FES: variants seen among roughly 807,000 people sequenced by gnomAD.
The protein encoded by FES is FES proto-oncogene, tyrosine kinase, also known as tyrosine-protein kinase Fes/Fps.
Under a neutral mutation model 109.6 loss-of-function variants are expected in FES, and 83 were observed. That is an observed-to-expected ratio of 0.76 (90% confidence interval 0.63 to 0.91). FES has a LOEUF of 0.91. Ranked by LOEUF, FES falls within the 40% of genes least tolerant of loss-of-function variation. FES has a pLI of 0.00. For missense variants in FES, 943 were observed against 1,070.9 expected (o/e 0.88, Z 1.67); for synonymous variants, 458 against 442.1 (o/e 1.04, Z -0.45).
rs1318488632 is a variant in FES at position 90,889,754 on chromosome 15, C to T, written c.927-86C>T. The T allele has an allele frequency of 1.4e-5, 23 of 1,603,408 alleles. No individual in the cohort carries two copies. The highest frequency in any genetic ancestry group is 1.8e-5 in the Non-Finnish European group (21 of 1,174,306). Reference sequence around the variant, plus strand: ...ACAGAGCTGTCACCAGGTGGCCGGGCTTGCTTGGCTCTACAGGGATGCACT... The same window carrying T: ...ACAGAGCTGTCACCAGGTGGCCGGGTTTGCTTGGCTCTACAGGGATGCACT... On this transcript the variant is annotated intron_variant, in intron 7 of 18. Coordinates refer to ENST00000328850, the MANE Select transcript of FES (RefSeq NM_002005.4). This position sits in a 1 kb window ranked among gnomAD's most constrained non-coding sequence, Gnocchi z 6.1.
chr15:90,888,435 G>A (rs916616576), intron 5 of FES, among the ~76,000 whole-genome samples: 1 of 152,216 alleles, frequency 6.6e-6, no homozygotes, highest in African/African-American at 2.4e-5. Context: ...AGGCCACTCT[G>A]GCTGCTGTGC....
chr15:90,892,881 A>C, intron 14 of FES, 56 bp downstream of exon 14: 1 of 1,534,516 alleles, frequency 6.5e-7, no homozygotes, highest in Non-Finnish European at 9.0e-7. Context: ...GTTACACTGC[A>C]TGGCACAGTG....
chr15:90,889,916 C>A lies in FES; in HGVS notation c.1003C>A (p.Gln335Lys), dbSNP rs763115688. The part of the protein sequence containing the change: ...FRRQEMVTQL[Q>K]QELRNEEENT... ...GCGGCAGGAGATGGTTACGCAGCTG[C>A]AACAGGAGCTCCGGAATGAAGAGGA... The change falls in exon 8 of 19, where the codon CAA becomes AAA. Residue 335 changes from glutamine to lysine, a missense_variant. Gln to Lys is a moderately conservative substitution (Grantham distance 53). Transcript: ENST00000328850. This position sits in a 1 kb window ranked among gnomAD's most constrained non-coding sequence, Gnocchi z 6.1. 6 of 1,613,432 alleles carry A rather than the reference C, an allele frequency of 3.7e-6. No individual in the cohort carries two copies. In the African/African-American group the frequency reaches 6.7e-5, roughly 18 times the overall value.
chr15:90,891,091 C>G lies in FES; in HGVS notation c.1430C>G (p.Ser477Cys). Residue 477 changes from serine to cysteine, a missense_variant, in exon 11 of 19, where the codon TCT becomes TGT. By Grantham distance (112) the Ser-to-Cys change is moderately radical (BLOSUM62 -1). Coordinates refer to ENST00000328850, the MANE Select transcript of FES (RefSeq NM_002005.4). ...RAEVAELLVH[S>C]GDFLVRESQG... Reference sequence around the variant, plus strand: ...GAGGTGGCTGAGCTGCTGGTGCACTCTGGGGACTTCCTGGTGCGGGAGAGC... The same window carrying G: ...GAGGTGGCTGAGCTGCTGGTGCACTGTGGGGACTTCCTGGTGCGGGAGAGC... 1 of 1,592,682 alleles carries G rather than the reference C, an allele frequency of 6.3e-7. No individual in the cohort carries two copies. The highest frequency in any genetic ancestry group is 8.6e-7 in the Non-Finnish European group (1 of 1,169,458).
chr15:90,893,273 G>A lies in FES; in HGVS notation c.1922-18G>A, dbSNP rs1290937361. On this transcript the variant is annotated intron_variant, in intron 15 of 18. Coordinates refer to ENST00000328850, the MANE Select transcript of FES (RefSeq NM_002005.4). ...GCCTTACCTCAGGAGGCTCAGCAGG[G>A]GTCCTCCCCACCTGCAGGGGGCGAC... 6.2e-7 allele frequency: 1 copy of A among 1,609,332 alleles called. No individual in the cohort carries two copies. Among genetic ancestry groups the A allele is most frequent in the Non-Finnish European group, 8.5e-7 (1 of 1,177,494 alleles).
Position 90,892,674 on chromosome 15 carries a change from G to C in FES, c.1708-33G>C, listed in dbSNP as rs750187806. On this transcript the variant is annotated intron_variant, in intron 13 of 18. Coordinates refer to ENST00000328850, the MANE Select transcript of FES (RefSeq NM_002005.4). ...GCGGAGAAGAGAACTGCGGGACTGG[G>C]AAGGCCGTGGTAGGAGCCCAAGACC... The C allele has an allele frequency of 7.0e-6, 11 of 1,561,932 alleles. No individual in the cohort carries two copies. The South Asian group carries it at 1.3e-4, about 18-fold the overall frequency.
At chr15:90,892,335 C>A in intron 13 of FES, 1 of 604,686 alleles carries the variant, frequency 1.7e-6, no homozygotes, top group Non-Finnish European at 2.9e-6. Flanking sequence ...CCTCATCACC[C>A]CCACCCAGGC....
rs974012131 is a variant in FES, at chr15:90,885,732, C to T, written c.387+147C>T. On this transcript the variant is annotated intron_variant, in intron 3 of 18. Transcript: ENST00000328850. The stretch of plus-strand genomic sequence containing the variant: ...CTTGCTCTAACCTTGATGCAGCTTC[C>T]TCTCTTCCTTCCCCTACGTTGAGCT... 22 of 1,353,188 alleles carry T rather than the reference C, an allele frequency of 1.6e-5. No individual in the cohort carries two copies. In the African/African-American group the frequency reaches 2.5e-4, roughly 15 times the overall value. 83.8% of individuals were successfully genotyped at this position (1,353,188 alleles called of 1,614,324 possible). A position where few individuals can be genotyped will look rare whatever the true frequency, so the allele number is the denominator to read the frequency against.
At chr15:90,886,779 C>A (rs1391024680) in intron 3 of FES, among the ~76,000 whole-genome samples, 182 bp from the exon 4 acceptor site, 2 of 152,220 alleles carry the variant, frequency 1.3e-5, no homozygotes, top group Non-Finnish European at 2.9e-5. Flanking sequence ...TCTTTGCCTC[C>A]CCAAGGGGTC....
chr15:90,890,351 C>T (rs1490118706), intron 9 of FES, 50 bp from the exon 10 acceptor site: 38 of 1,597,098 alleles, frequency 2.4e-5, no homozygotes, highest in Middle Eastern at 3.3e-4. Flanking sequence ...CATTTTCGCC[C>T]TCCCCCTCCC....
chr15:90,891,939 C>A, intron 12 of FES, 119 bp from the exon 13 acceptor site: 1 of 1,247,858 alleles, frequency 8.0e-7, no homozygotes, highest in Non-Finnish European at 1.1e-6. Flanking sequence ...GTGTGCTCCC[C>A]ACGTGGTCCC....
chr15:90,890,924 C>T (rs2033153736), intron 10 of FES, 58 bp from the exon 11 acceptor site: 3 of 1,507,586 alleles, frequency 2.0e-6, no homozygotes, highest in Non-Finnish European at 2.7e-6. Flanking sequence ...CCCGGCTGCC[C>T]CCACGGCCTC....
chr15:90,891,927 C>T, intron 12 of FES, 131 bp from the exon 13 acceptor site: 1 of 1,179,690 alleles, frequency 8.5e-7, no homozygotes, highest in Non-Finnish European at 1.2e-6. Flanking sequence ...GTAGTCATCT[C>T]AGTGTGCTCC....
In FES at chr15:90,885,260, T is replaced by TG; in HGVS notation, c.213+5dup. The TG allele has an allele frequency of 6.2e-7, 1 of 1,611,030 alleles. No individual in the cohort carries two copies. Among genetic ancestry groups the TG allele is most frequent in the Non-Finnish European group, 8.5e-7 (1 of 1,179,394 alleles). On this transcript the variant is annotated splice_region_variant and intron_variant, in intron 2 of 18. Coordinates refer to ENST00000328850, the MANE Select transcript of FES (RefSeq NM_002005.4). Reference sequence around the variant, plus strand: ...AGCCCTGACAGCCCCATCAGTCAGGTGGGTCTCTATGGGACTCTGGTGGGT... The same window carrying TG: ...AGCCCTGACAGCCCCATCAGTCAGGTGGGGTCTCTATGGGACTCTGGTGGGT...
intron 1 of FES, chr15:90,884,816 C>G (rs1452740641): frequency 1.9e-6 from 1 of 519,690 alleles, no homozygotes; most frequent in Non-Finnish European, 3.4e-6. Context: ...GGCTCCTGTT[C>G]CCGAACGTGC....
At chr15:90,888,843 T>A (rs1381138997) in intron 5 of FES, among the ~76,000 whole-genome samples, 1 of 151,930 alleles carries the variant, frequency 6.6e-6, no homozygotes, top group African/African-American at 2.4e-5. Context: ...AGTGGCGCGA[T>A]CTTGGCTCAC....
chr15:90,893,033 A>G, intron 14 of FES, 67 bp from the exon 15 acceptor site: 1 of 1,548,064 alleles, frequency 6.5e-7, no homozygotes, highest in African/African-American at 1.4e-5. Flanking sequence ...CTCTTCTCCC[A>G]TCATCCCTGG....
At position 90,884,527 on chromosome 15, in the gene FES, G is replaced by C. The variant is rs907384834; in HGVS notation, c.-27G>C. ...CTGAGTCGGTCCGAGGCCGTCCCAG[G>C]AGCAGCTGCCCGTGCGGGTACCTCT... is the stretch of plus-strand genomic sequence containing the variant. On this transcript the variant is annotated 5_prime_UTR_variant, in exon 1 of 19. Transcript: ENST00000328850. 1 of 154,248 alleles carries C rather than the reference G, an allele frequency of 6.5e-6. No homozygotes were observed. The highest frequency in any genetic ancestry group is 2.4e-5 in the African/African-American group (1 of 41,578). The allele number at this position is 154,248 out of a possible 1,614,324, so 9.6% of individuals were successfully genotyped here.
intron 1 of FES, chr15:90,884,797 C>A: frequency 2.1e-6 from 1 of 482,858 alleles, no homozygotes; most frequent in Admixed American, 3.6e-5. Flanking sequence ...GGGAGGGAGG[C>A]TCCAGGTTGG....
Sources: allele counts gnomAD v4.1 joint callset (sites outside exome capture counted in the v4.1 genomes callset), GRCh38; gene constraint gnomAD v4.1.1; non-coding constraint Gnocchi (gnomAD v3.1); transcripts MANE v1.5; gene names NCBI Gene and HGNC (gene_info 2026-07-23, HGNC 2026-07-21).